The following SLC22A23 variants were observed in gnomAD, a reference collection of about 807,000 sequenced individuals.
SLC22A23 encodes the protein solute carrier family 22 member 23, also known as ion transporter protein.
SLC22A23 carries 26 observed loss-of-function variants against 61.0 expected under a neutral mutation model. The observed-to-expected ratio is 0.43, with a 90% confidence interval of 0.31 to 0.59. SLC22A23 has a LOEUF of 0.59. Among genes scored for constraint, SLC22A23 ranks in the 20% least tolerant of loss-of-function variants. SLC22A23 has a pLI of 0.11. For missense variants in SLC22A23, 796 were observed against 934.7 expected (o/e 0.85, Z 1.94); for synonymous variants, 430 against 413.9 (o/e 1.04, Z -0.47).
intron 1 of SLC22A23, among the ~76,000 whole-genome samples, chr6:3,432,891 G>A (rs917540482): frequency 3.2e-4 from 48 of 152,308 alleles, no homozygotes; most frequent in African/African-American, 1.1e-3. Context: ...TACTTCCCCA[G>A]TGGCCTCCGG....
chr6:3,286,883 G>A lies in SLC22A23; in HGVS notation c.1522C>T (p.Leu508Phe). The A allele has an allele frequency of 1.2e-6, 2 of 1,606,652 alleles. No homozygotes were observed. Among genetic ancestry groups the A allele is most frequent in the Non-Finnish European group, 1.7e-6 (2 of 1,176,890 alleles). Reference protein sequence around the residue: ...LFMILTALASLLQLGLLNLIG... With the variant: ...LFMILTALASFLQLGLLNLIG... ...CGGTTGAGGAGGCCGAGCTGCAGGA[G>A]TGAGGCCAGGGCGGTGAGGATCATG... is the stretch of plus-strand genomic sequence containing the variant. The change falls in exon 7 of 10, where the codon CTC becomes TTC. Residue 508 changes from leucine to phenylalanine, a missense_variant. Coordinates refer to ENST00000406686, the MANE Select transcript of SLC22A23 (RefSeq NM_015482.2). The surrounding 1 kb of genome is among the most constrained non-coding windows in gnomAD (Gnocchi z 4.2).
chr6:3,336,862 T>A (rs190075043), intron 3 of SLC22A23, among the ~76,000 whole-genome samples: 2 of 150,902 alleles, frequency 1.3e-5, no homozygotes, highest in East Asian at 3.9e-4. Context: ...ACTGGTGTGA[T>A]CACAGTTCAC....
intron 1 of SLC22A23, among the ~76,000 whole-genome samples, chr6:3,452,381 C>A (rs547591895): frequency 3.3e-4 from 50 of 152,058 alleles, no homozygotes; most frequent in African/African-American, 1.1e-3. Flanking sequence ...CAGCTTGAGG[C>A]CAGGAGTTCA....
intron 3 of SLC22A23, among the ~76,000 whole-genome samples, chr6:3,379,724 C>T (rs1026025272): frequency 1.3e-5 from 2 of 152,200 alleles, no homozygotes; most frequent in Admixed American, 1.3e-4. Flanking sequence ...TAAACCTTTG[C>T]AGCATGTGCT....
At chr6:3,301,421 T>C (rs1277861487) in intron 4 of SLC22A23, among the ~76,000 whole-genome samples, 1 of 152,252 alleles carries the variant, frequency 6.6e-6, no homozygotes, top group East Asian at 1.9e-4. Context: ...TATGAATATA[T>C]ATAAATACGG....
chr6:3,341,918 T>C (rs762097330), intron 3 of SLC22A23, among the ~76,000 whole-genome samples: 9 of 152,184 alleles, frequency 5.9e-5, no homozygotes, highest in African/African-American at 2.4e-5. Flanking sequence ...TTAAGTCTTC[T>C]TGTACTTCTT....
rs1307394490 is a variant in SLC22A23, at chr6:3,284,210, T to C, written c.1580-235A>G. On this transcript the variant is annotated intron_variant, in intron 8 of 9. Coordinates refer to ENST00000406686, the MANE Select transcript of SLC22A23 (RefSeq NM_015482.2). The stretch of plus-strand genomic sequence containing the variant: ...TGTGCGTCAAGCATGCTGAAGCTCA[T>C]GGTGGCCTCTATTGGAATTCCTCAG... 1.7e-5 allele frequency: 7 copies of C among 411,514 alleles called. No homozygotes were observed. In the East Asian group the frequency reaches 3.2e-4, roughly 19 times the overall value. 25.5% of individuals were successfully genotyped at this position (411,514 alleles called of 1,614,324 possible).
intron 8 of SLC22A23, 65 bp downstream of exon 8, chr6:3,285,014 C>A: frequency 6.3e-7 from 1 of 1,589,694 alleles, no homozygotes. Context: ...CGTGAGTCTT[C>A]GAGAAAACAC....
At chr6:3,413,603 C>G (rs981791868) in intron 2 of SLC22A23, among the ~76,000 whole-genome samples, 1 of 152,194 alleles carries the variant, frequency 6.6e-6, no homozygotes, top group Non-Finnish European at 1.5e-5. Context: ...CCAGACAAAA[C>G]TTGGTGTCAA....
intron 3 of SLC22A23, among the ~76,000 whole-genome samples, chr6:3,364,651 C>T (rs1765687378): frequency 6.6e-6 from 1 of 152,160 alleles, no homozygotes; most frequent in Non-Finnish European, 1.5e-5. Context: ...CTCACGCGTG[C>T]AGGGCACAGC....
At chr6:3,411,107 G>A (rs1253263945) in intron 2 of SLC22A23, among the ~76,000 whole-genome samples, 1 of 152,210 alleles carries the variant, frequency 6.6e-6, no homozygotes, top group African/African-American at 2.4e-5. Flanking sequence ...CTTCTAGAGT[G>A]CCTGGGAGGA....
At chr6:3,391,002 A>C (rs1394192303) in intron 3 of SLC22A23, among the ~76,000 whole-genome samples, 1 of 152,180 alleles carries the variant, frequency 6.6e-6, no homozygotes, top group Admixed American at 6.5e-5. Flanking sequence ...GTGATGAAAA[A>C]TTTCTCAAAC....
At chr6:3,455,838 G>A in intron 1 of SLC22A23, 68 bp downstream of exon 1, 2 of 1,440,596 alleles carry the variant, frequency 1.4e-6, no homozygotes, top group East Asian at 2.5e-5. Context: ...CGGTTCTCCC[G>A]CTGGCTCGGG....
chr6:3,422,215 G>A (rs1770187142), intron 1 of SLC22A23, among the ~76,000 whole-genome samples: 1 of 152,184 alleles, frequency 6.6e-6, no homozygotes, highest in African/African-American at 2.4e-5. Flanking sequence ...TGTAGGGTCA[G>A]CATTTTTCCC....
intron 6 of SLC22A23, among the ~76,000 whole-genome samples, chr6:3,288,099 A>G (rs886218853): frequency 6.6e-6 from 1 of 152,224 alleles, no homozygotes; most frequent in African/African-American, 2.4e-5. Flanking sequence ...CCCTGAAAAC[A>G]GGAACAAAGG....
At chr6:3,409,009 CGGCACAGGCATTTTGCCTGG>C (rs1561960229) in intron 3 of SLC22A23, among the ~76,000 whole-genome samples, 1 of 152,232 alleles carries the variant, frequency 6.6e-6, no homozygotes, top group Admixed American at 6.5e-5. Flanking sequence ...CCATAGACAA[CGGCACAGGCATTTTGCCTGG>C]GGAGGTTCAA....
chr6:3,385,934 A>G (rs1767273497), intron 3 of SLC22A23, among the ~76,000 whole-genome samples: 1 of 152,202 alleles, frequency 6.6e-6, no homozygotes, highest in African/African-American at 2.4e-5. Context: ...GTTCTTTTCC[A>G]AAAAGAACAT....
chr6:3,362,435 ATAAAAATTAGCATGC>A (rs1765536004), intron 3 of SLC22A23, among the ~76,000 whole-genome samples: 3 of 113,600 alleles, frequency 2.6e-5, no homozygotes, highest in African/African-American at 1.1e-4. Flanking sequence ...AAAATAAAAA[ATAAAAATTAGCATGC>A]ATTTTCATCA....
At chr6:3,276,999 G>C (rs1758969677) in intron 9 of SLC22A23, 1 of 152,236 alleles carries the variant, frequency 6.6e-6, no homozygotes, top group African/African-American at 2.4e-5. Flanking sequence ...GATGAGAAAA[G>C]CTCCAATGTC....
Sources: allele counts gnomAD v4.1 joint callset (sites outside exome capture counted in the v4.1 genomes callset), GRCh38; gene constraint gnomAD v4.1.1; non-coding constraint Gnocchi (gnomAD v3.1); transcripts MANE v1.5; gene names NCBI Gene and HGNC (gene_info 2026-07-23, HGNC 2026-07-21).